DOP1B: variants seen among roughly 807,000 people sequenced by gnomAD.
DOP1B encodes protein DOP1B.
In DOP1B, 174 loss-of-function variants were observed where a neutral mutation model predicts 233.5. The observed-to-expected ratio is 0.75, with a 90% CI of 0.66 to 0.85. DOP1B has a LOEUF of 0.85. Among genes scored for constraint, DOP1B ranks in the 40% least tolerant of loss-of-function variants. DOP1B has a pLI of 0.00. For missense variants in DOP1B, 2,652 were observed against 2,846.6 expected, an observed-to-expected ratio of 0.93 and a Z score of 1.56; for synonymous variants, 1,190 against 1,185.6, an observed-to-expected ratio of 1.00 and a Z score of -0.08.
At position 36,246,800 on chromosome 21, in the gene DOP1B, A is replaced by G; in HGVS notation, c.4697+123A>G. On this transcript the variant is annotated intron_variant, in intron 19 of 36. Coordinates refer to ENST00000691173, the MANE Select transcript of DOP1B (RefSeq NM_001320714.2). This position sits in a 1 kb window ranked among gnomAD's most constrained non-coding sequence, Gnocchi z 5.1. ...TTTCATCCCAATGAGAAGCCTGTTT[A>G]GCATTATCAAGAGGGGTAACAAGCA... is the stretch of plus-strand genomic sequence containing the variant. 5.1e-6 allele frequency: 6 copies of G among 1,185,234 alleles called. No homozygotes were observed. Among genetic ancestry groups the G allele is most frequent in the Non-Finnish European group, 7.0e-6 (6 of 856,810 alleles). The allele number at this position is 1,185,234 out of a possible 1,614,324, so 73.4% of individuals were successfully genotyped here.
chr21:36,185,006 C>A (rs941516408), intron 2 of DOP1B, among the ~76,000 whole-genome samples: 1 of 152,100 alleles, frequency 6.6e-6, no homozygotes, highest in Non-Finnish European at 1.5e-5. Flanking sequence ...GGGACTGAAA[C>A]CTGTTGAGGA....
chr21:36,188,267 TG>T lies in DOP1B; in HGVS notation c.139-10802del, dbSNP rs534068239. On this transcript the variant is annotated intron_variant, in intron 2 of 36. Coordinates refer to ENST00000691173, the MANE Select transcript of DOP1B (RefSeq NM_001320714.2). ...GTTTACATAGGAGTTATAGCAGCAC[TG>T]CTCTCCCAGTTCAACAAAAACTGGT... Among the ~76,000 whole-genome samples, 118 of 152,358 alleles carry T rather than the reference TG, an allele frequency of 7.7e-4. 1 individual carries two copies. The highest frequency in any genetic ancestry group is 2.7e-3 in the African/African-American group (113 of 41,596).
chr21:36,280,785 C>G (rs546231198), intron 31 of DOP1B, among the ~76,000 whole-genome samples: 44 of 151,480 alleles, frequency 2.9e-4, no homozygotes, highest in African/African-American at 1.1e-3. Context: ...GGGCGGATCA[C>G]AGGGTCAGGA....
intron 36 of DOP1B, among the ~76,000 whole-genome samples, chr21:36,292,831 C>G (rs1245098943): frequency 6.6e-6 from 1 of 152,052 alleles, no homozygotes; most frequent in Non-Finnish European, 1.5e-5. Flanking sequence ...TCAGGCTGGT[C>G]TCGAACTCCT....
chr21:36,245,346 C>T lies in DOP1B; in HGVS notation c.3366C>T (p.Ser1122=), dbSNP rs2066945366. 8 of 1,613,986 alleles carry T rather than the reference C, an allele frequency of 5.0e-6. No individual in the cohort carries two copies. Among genetic ancestry groups the T allele is most frequent in the African/African-American group, 2.7e-5 (2 of 74,946 alleles). The change falls in exon 19 of 37, where the codon AGC becomes AGT. Residue 1122 remains serine, a synonymous_variant. Transcript: ENST00000691173. This position sits in a 1 kb window ranked among gnomAD's most constrained non-coding sequence, Gnocchi z 5.5. ...SADTSSCHTD[S]ENTSSFSSPS... Reference sequence around the variant, plus strand: ...ATACAAGCTCCTGCCACACGGACAGCGAGAACACGTCCTCCTTCTCCTCCC... The same window carrying T: ...ATACAAGCTCCTGCCACACGGACAGTGAGAACACGTCCTCCTTCTCCTCCC...
Position 36,181,736 on chromosome 21 carries a change from G to C in DOP1B, c.138+16865G>C, listed in dbSNP as rs113178452. ...GTGTTATGTCCACCCATGCCTCCCA[G>C]GGAGACTGGGCAGCCATGGCCCAGC... On this transcript the variant is annotated intron_variant, in intron 2 of 36. Coordinates refer to ENST00000691173, the MANE Select transcript of DOP1B (RefSeq NM_001320714.2). Among the ~76,000 whole-genome samples, 1,485 of 152,312 alleles carry C rather than the reference G, an allele frequency of 9.7e-3. 23 individuals carry two copies. The highest frequency in any genetic ancestry group is 0.033 in the African/African-American group (1,367 of 41,572).
intron 2 of DOP1B, chr21:36,168,886 C>T (rs1474364398): frequency 2.2e-6 from 1 of 447,972 alleles, no homozygotes; most frequent in African/African-American, 2.0e-5. Context: ...AGTGGTCTCT[C>T]CCTGTGGGTT....
rs763796149 is a variant in DOP1B at position 36,232,818 on chromosome 21, A to G, written c.2365A>G (p.Ser789Gly). 2 of 1,612,442 alleles carry G rather than the reference A, an allele frequency of 1.2e-6. No individual in the cohort carries two copies. The highest frequency in any genetic ancestry group is 2.2e-5 in the East Asian group (1 of 44,856). ...LFQLPGAGDS[S>G]FPSWLKSLMT... ...CTTCCTTTCAGGAGCCGGTGATTCC[A>G]GTTTTCCATCTTGGCTGAAGTCCCT... Residue 789 changes from serine to glycine, a missense_variant, in exon 15 of 37, where the codon AGT becomes GGT. Ser to Gly is a moderately conservative substitution (Grantham distance 56, BLOSUM62 0). Coordinates refer to ENST00000691173, the MANE Select transcript of DOP1B (RefSeq NM_001320714.2).
chr21:36,271,822 G>A lies in DOP1B; in HGVS notation c.5632+1665G>A, dbSNP rs900380470. On this transcript the variant is annotated intron_variant, in intron 27 of 36. Transcript: ENST00000691173. Reference sequence around the variant, plus strand: ...GAGAATGTGTGTGTTTCTTTTTGCAGAACTATGGAAAGAGAATTTAGCAAA... The same window carrying A: ...GAGAATGTGTGTGTTTCTTTTTGCAAAACTATGGAAAGAGAATTTAGCAAA... 2.3e-4 allele frequency among the ~76,000 whole-genome samples: 35 copies of A among 150,520 alleles called. 1 individual carries two copies. Among genetic ancestry groups the A allele is most frequent in the African/African-American group, 8.8e-4 (35 of 39,962 alleles).
chr21:36,193,850 T>G (rs2066260165), intron 2 of DOP1B, among the ~76,000 whole-genome samples: 2 of 152,050 alleles, frequency 1.3e-5, no homozygotes, highest in South Asian at 4.1e-4. Flanking sequence ...AAGAGTGGAG[T>G]CTCCATCTTT....
rs1568996068 is a variant in DOP1B at position 36,167,929 on chromosome 21, C to CTTTTTTTTTTT, written c.138+3062_138+3063insTTTTTTTTTTT. Among the ~76,000 whole-genome samples the CTTTTTTTTTTT allele has an allele frequency of 3.5e-4, 34 of 97,292 alleles. 4 individuals are homozygous for CTTTTTTTTTTT. Among genetic ancestry groups the CTTTTTTTTTTT allele is most frequent in the Non-Finnish European group, 4.3e-4 (21 of 49,150 alleles). 63.8% of individuals were successfully genotyped at this position (97,292 alleles called of 152,430 possible). On this transcript the variant is annotated intron_variant, in intron 2 of 36. Transcript: ENST00000691173. The stretch of plus-strand genomic sequence containing the variant: ...GGTAAGTCACATTTTCTTTTCTTTT[C>CTTTTTTTTTTT]TTTTCTTTTTCTTTTTTTTTTTTTT...
At chr21:36,241,449 A>G (rs1345045728) in intron 18 of DOP1B, among the ~76,000 whole-genome samples, 1 of 151,734 alleles carries the variant, frequency 6.6e-6, no homozygotes, top group African/African-American at 2.4e-5. Flanking sequence ...AAAAAAGGAC[A>G]AATGTCTGTA....
chr21:36,230,424 A>C (rs1441948922), intron 13 of DOP1B, 26 bp from the exon 14 acceptor site: 1 of 1,583,150 alleles, frequency 6.3e-7, no homozygotes, highest in Non-Finnish European at 8.6e-7. Flanking sequence ...AGAGATGCAC[A>C]ATTCACATCT....
At chr21:36,207,270 C>T (rs1170621093) in intron 4 of DOP1B, among the ~76,000 whole-genome samples, 1 of 151,734 alleles carries the variant, frequency 6.6e-6, no homozygotes, top group South Asian at 2.1e-4. Context: ...CTGCAAACTC[C>T]GCCTCCCGGC....
At chr21:36,171,450 A>G (rs991775871) in intron 2 of DOP1B, among the ~76,000 whole-genome samples, 2 of 152,176 alleles carry the variant, frequency 1.3e-5, no homozygotes, top group African/African-American at 4.8e-5. Context: ...TGGAAACAGC[A>G]TCTTTACAGA....
intron 5 of DOP1B, among the ~76,000 whole-genome samples, chr21:36,210,698 GC>G (rs2066486434): frequency 6.6e-6 from 1 of 152,108 alleles, no homozygotes; most frequent in Admixed American, 6.5e-5. Flanking sequence ...TATAATCCCA[GC>G]TACTCAGCTG....
At chr21:36,168,298 G>A (rs539762292) in intron 2 of DOP1B, among the ~76,000 whole-genome samples, 72 of 152,060 alleles carry the variant, frequency 4.7e-4, no homozygotes, top group Admixed American at 8.5e-4. Flanking sequence ...TTACCTTTTG[G>A]CTATTGTGAA....
At chr21:36,168,205 A>G (rs2065934890) in intron 2 of DOP1B, among the ~76,000 whole-genome samples, 2 of 151,782 alleles carry the variant, frequency 1.3e-5, no homozygotes, top group Non-Finnish European at 1.5e-5. Context: ...TGGCCTCCCA[A>G]AGTGCTGGGA....
chr21:36,215,306 G>A (rs2066546092), intron 9 of DOP1B, among the ~76,000 whole-genome samples: 1 of 152,062 alleles, frequency 6.6e-6, no homozygotes, highest in Admixed American at 6.6e-5. Flanking sequence ...ACTAGACTCT[G>A]GTCACCAAAG....
Sources: allele counts gnomAD v4.1 joint callset (sites outside exome capture counted in the v4.1 genomes callset), GRCh38; gene constraint gnomAD v4.1.1; non-coding constraint Gnocchi (gnomAD v3.1); transcripts MANE v1.5; gene names NCBI Gene and HGNC (gene_info 2026-07-23, HGNC 2026-07-21).